Variants in MACF1 observed in about 807,000 individuals in gnomAD.
The protein encoded by MACF1 is microtubule-actin cross-linking factor 1.
Under a neutral mutation model 854.8 loss-of-function variants are expected in MACF1, and 193 were observed. The ratio of observed to expected loss-of-function variants is 0.23; its 90% confidence interval spans 0.20 to 0.25. The LOEUF (loss-of-function observed/expected upper bound fraction) is 0.25, where lower values mean the gene tolerates loss of function less well. MACF1 is among the 10% of genes least tolerant of loss of function. The pLI is 1.00. For synonymous variants in MACF1, 3,185 were observed against 3,226.7 expected (o/e 0.99, Z 0.44); for missense variants, 7,722 against 8,929.1 (o/e 0.86, Z 5.45).
At chr1:39,386,643 G>A (rs558094277) in intron 57 of MACF1, among the ~76,000 whole-genome samples, 1 of 152,304 alleles carries the variant, frequency 6.6e-6, no homozygotes, top group East Asian at 1.9e-4. Context: ...TGTTGGCCAG[G>A]CTGGTCTCGA....
chr1:39,309,618 T>C lies in MACF1; in HGVS notation c.2838T>C (p.His946=), dbSNP rs1557579532. 1.1e-5 allele frequency: 17 copies of C among 1,614,094 alleles called. No homozygotes were observed. The highest frequency in any genetic ancestry group is 1.4e-5 in the Non-Finnish European group (16 of 1,180,018). The part of the protein sequence containing the change: ...QKVMALWHQL[H]VNTKSLISWN... ...TTATGGCCCTTTGGCATCAGCTGCA[T>C]GTTAACACCAAAAGCCTTATCTCTT... The change falls in exon 24 of 101, where the codon CAT becomes CAC. Residue 946 remains histidine (H), a synonymous_variant. Coordinates refer to ENST00000564288, the MANE Select transcript of MACF1 (RefSeq NM_001394062.1).
At chr1:39,449,356 A>G (rs1644288481) in intron 84 of MACF1, among the ~76,000 whole-genome samples, 1 of 152,156 alleles carries the variant, frequency 6.6e-6, no homozygotes, top group Non-Finnish European at 1.5e-5. Context: ...TGTACCCACT[A>G]TGCCATGCTA....
At chr1:39,230,051 A>G (rs1198110539) in intron 1 of MACF1, among the ~76,000 whole-genome samples, 1 of 152,240 alleles carries the variant, frequency 6.6e-6, no homozygotes, top group African/African-American at 2.4e-5. Flanking sequence ...GTGTGTCCCA[A>G]ATGCCAAGGC....
At position 39,476,029 on chromosome 1, in the gene MACF1, C is replaced by A. The variant is rs536756116; in HGVS notation, c.21959-3769C>A. 4.6e-5 allele frequency among the ~76,000 whole-genome samples: 7 copies of A among 152,316 alleles called. No individual in the cohort carries two copies. The East Asian group carries it at 5.8e-4, about 13-fold the overall frequency. ...GTAGTAACCCTCCACATGCAAGTTA[C>A]AACAGCAGAGAGATGTTTTTACCTA... On this transcript the variant is annotated intron_variant, in intron 97 of 100. Transcript: ENST00000564288.
chr1:39,209,813 G>C (rs1388166712), intron 1 of MACF1, among the ~76,000 whole-genome samples: 1 of 152,110 alleles, frequency 6.6e-6, no homozygotes, highest in African/African-American at 2.4e-5. Context: ...CTAGAGCCAG[G>C]CATGGTGGTT....
chr1:39,363,235 A>G (rs1188857564), intron 49 of MACF1, among the ~76,000 whole-genome samples: 1 of 152,208 alleles, frequency 6.6e-6, no homozygotes, highest in Non-Finnish European at 1.5e-5. Flanking sequence ...TTAAATATGT[A>G]AAGCATTAAC....
chr1:39,334,156 G>T lies in MACF1; in HGVS notation c.7568G>T (p.Arg2523Ile), dbSNP rs749079037. 1 of 1,614,102 alleles carries T rather than the reference G, an allele frequency of 6.2e-7. No homozygotes were observed. The highest frequency in any genetic ancestry group is 8.5e-7 in the Non-Finnish European group (1 of 1,179,988). Residue 2523 changes from arginine (R) to isoleucine (I), a missense_variant, in exon 37 of 101, where the codon AGA becomes ATA. Physicochemically the swap from Arg to Ile is moderately conservative, Grantham distance 97. Coordinates refer to ENST00000564288, the MANE Select transcript of MACF1 (RefSeq NM_001394062.1). ...AGACTTTCTGTTGATAATGCCTTCA[G>T]ACATGGCTTAATTGGTGAAGATTTA... ...GMRLSVDNAFRHGLIGEDLAE... is the reference protein window; with the variant it reads ...GMRLSVDNAFIHGLIGEDLAE...
intron 2 of MACF1, among the ~76,000 whole-genome samples, chr1:39,233,022 GT>G (rs879721917): frequency 0.015 from 1,505 of 100,616 alleles, 14 homozygotes; most frequent in South Asian, 0.044. Flanking sequence ...TGTTGTTGTT[GT>G]TGTTGTTGTG....
At chr1:39,416,288 G>A (rs911265177) in intron 58 of MACF1, among the ~76,000 whole-genome samples, 13 of 151,690 alleles carry the variant, frequency 8.6e-5, no homozygotes, top group Non-Finnish European at 2.9e-5. Flanking sequence ...GAATGACACC[G>A]AGATCCCAAT....
At position 39,484,554 on chromosome 1, in the gene MACF1, A is replaced by G. The variant is rs775273624; in HGVS notation, c.22282-47A>G. The G allele has an allele frequency of 1.9e-6, 3 of 1,564,634 alleles. No homozygotes were observed. In the South Asian group the frequency reaches 3.5e-5, roughly 18 times the overall value. On this transcript the variant is annotated intron_variant, in intron 99 of 100. Coordinates refer to ENST00000564288, the MANE Select transcript of MACF1 (RefSeq NM_001394062.1). ...GACCTTTTAAAGTTGAATTTCTGGC[A>G]AAGATTTTACCAAGTAAAATGTGAC...
chr1:39,295,690 C>T (rs1487949110), intron 19 of MACF1, 97 bp from the exon 20 acceptor site: 32 of 826,324 alleles, frequency 3.9e-5, no homozygotes, highest in Non-Finnish European at 5.5e-5. Flanking sequence ...GTTGGCTTCT[C>T]TATCATTAGC....
chr1:39,308,760 AT>A (rs1646240173), intron 23 of MACF1, among the ~76,000 whole-genome samples: 1 of 151,494 alleles, frequency 6.6e-6, no homozygotes, highest in Non-Finnish European at 1.5e-5. Context: ...GGTTCAAGCG[AT>A]TCTCCTGCCT....
rs865992106 is a variant in MACF1 at position 39,360,030 on chromosome 1, T to A, written c.12245-763T>A. The stretch of plus-strand genomic sequence containing the variant: ...AAAAAAAAATATATATATATATATA[T>A]ATATATATATATATATATATATACA... On this transcript the variant is annotated intron_variant, in intron 47 of 100. Coordinates refer to ENST00000564288, the MANE Select transcript of MACF1 (RefSeq NM_001394062.1). Among the ~76,000 whole-genome samples the A allele has an allele frequency of 3.8e-3, 209 of 55,410 alleles. 3 individuals are homozygous for A. The highest frequency in any genetic ancestry group is 0.014 in the African/African-American group (184 of 12,936). 36.4% of individuals were successfully genotyped at this position (55,410 alleles called of 152,430 possible). A position where few individuals can be genotyped will look rare whatever the true frequency, so the allele number is the denominator to read the frequency against.
At chr1:39,146,461 A>G (rs11205684) in intron 2 of MACF1, among the ~76,000 whole-genome samples, 7,072 of 150,988 alleles carry the variant, frequency 0.047, 597 homozygotes, top group African/African-American at 0.16. Flanking sequence ...AAAAAAAAAA[A>G]AAAGAAAGAA....
chr1:39,310,136 T>G, intron 24 of MACF1, 109 bp from the exon 25 acceptor site: 1 of 846,082 alleles, frequency 1.2e-6, no homozygotes, highest in Non-Finnish European at 1.8e-6. Flanking sequence ...ATGTTTACGA[T>G]TATGGTTTAT....
chr1:39,333,593 C>T lies in MACF1; in HGVS notation c.7005C>T (p.Phe2335=), dbSNP rs777420143. ...LMEKLNMFQG[F]FDSQTCESLT... is the part of the protein sequence containing the mutation. ...AGAAGCTGAACATGTTTCAGGGGTT[C>T]TTTGACTCTCAGACTTGTGAGTCTT... Residue 2335 remains phenylalanine, a synonymous_variant, in exon 37 of 101, where the codon TTC becomes TTT. Transcript: ENST00000564288. The T allele has an allele frequency of 2.5e-6, 4 of 1,614,194 alleles. No homozygotes were observed. The highest frequency in any genetic ancestry group is 3.4e-6 in the Non-Finnish European group (4 of 1,180,026).
chr1:39,446,330 T>A (rs931522906), intron 80 of MACF1, among the ~76,000 whole-genome samples: 2 of 151,594 alleles, frequency 1.3e-5, no homozygotes, highest in Non-Finnish European at 2.9e-5. Context: ...ATAAAAAATA[T>A]ATAAAGAATA....
chr1:39,172,564 A>G (rs955634168), intron 2 of MACF1, among the ~76,000 whole-genome samples: 6 of 152,144 alleles, frequency 3.9e-5, no homozygotes, highest in African/African-American at 9.7e-5. Flanking sequence ...AAGATTTGGT[A>G]CCATTATAGA....
At chr1:39,113,488 C>T (rs1042692095) in intron 2 of MACF1, among the ~76,000 whole-genome samples, 1 of 152,304 alleles carries the variant, frequency 6.6e-6, no homozygotes, top group South Asian at 2.1e-4. Flanking sequence ...GGGAATCCAA[C>T]AGTACATCTG....
Sources: gnomAD v4.1 joint callset for allele counts (sites outside exome capture counted in the v4.1 genomes callset) on GRCh38, gnomAD v4.1.1 for gene constraint, MANE v1.5 for transcripts, NCBI Gene and HGNC (gene_info 2026-07-23, HGNC 2026-07-21) for gene names.